NKAIN3: variants seen among roughly 807,000 people sequenced by gnomAD.
NKAIN3 encodes the protein sodium/potassium-transporting ATPase subunit beta-1-interacting protein 3.
A neutral mutation model predicts 30.2 loss-of-function variants in NKAIN3; 25 were observed. That is an observed-to-expected ratio of 0.83 (90% CI 0.60 to 1.16). The LOEUF (loss-of-function observed/expected upper bound fraction) is 1.16, where lower values mean the gene tolerates loss of function less well. Among genes scored for constraint, NKAIN3 ranks in the 50% most tolerant of loss-of-function variants. The probability of loss-of-function intolerance (pLI) is 0.00; values close to 1 mark genes in which losing one functional copy is unlikely to be tolerated. For missense variants in NKAIN3, 225 were observed against 254.1 expected, an observed-to-expected ratio of 0.89 and a Z score of 0.78; for synonymous variants, 91 against 89.6, an observed-to-expected ratio of 1.02 and a Z score of -0.09.
chr8:62,697,766 C>A (rs1224450524), intron 3 of NKAIN3, among the ~76,000 whole-genome samples: 1 of 152,070 alleles, frequency 6.6e-6, no homozygotes. Flanking sequence ...CTAAGATGAG[C>A]AATGATTACA....
At chr8:62,926,396 C>CCA (rs1822443775) in intron 5 of NKAIN3, among the ~76,000 whole-genome samples, 2 of 152,210 alleles carry the variant, frequency 1.3e-5, no homozygotes, top group Non-Finnish European at 2.9e-5. Flanking sequence ...TACTGAACCT[C>CCA]CACTTCTGCA....
At chr8:62,958,834 C>A (rs1237244977) in intron 6 of NKAIN3, among the ~76,000 whole-genome samples, 1 of 152,078 alleles carries the variant, frequency 6.6e-6, no homozygotes, top group Non-Finnish European at 1.5e-5. Context: ...ATAATTAGAG[C>A]AAGGCAGTTT....
intron 4 of NKAIN3, among the ~76,000 whole-genome samples, chr8:62,838,868 T>C (rs577044694): frequency 6.6e-6 from 1 of 152,150 alleles, no homozygotes; most frequent in Non-Finnish European, 1.5e-5. Flanking sequence ...ACTCTTCTAA[T>C]GGAAAATAAA....
chr8:62,649,114 G>A (rs1220507498), intron 3 of NKAIN3, among the ~76,000 whole-genome samples: 1 of 152,148 alleles, frequency 6.6e-6, no homozygotes, highest in East Asian at 1.9e-4. Flanking sequence ...AACAAATAAT[G>A]CCAAAGATTG....
intron 4 of NKAIN3, among the ~76,000 whole-genome samples, chr8:62,880,088 C>T (rs1479555111): frequency 1.3e-5 from 2 of 152,180 alleles, no homozygotes; most frequent in African/African-American, 4.8e-5. Flanking sequence ...ACATGCCAGA[C>T]ATTAACCAAT....
At chr8:62,664,801 T>G (rs1813049464) in intron 3 of NKAIN3, among the ~76,000 whole-genome samples, 1 of 152,152 alleles carries the variant, frequency 6.6e-6, no homozygotes, top group Admixed American at 6.6e-5. Flanking sequence ...GTCACTTAGG[T>G]CATTTTCTAT....
At chr8:62,299,342 C>A (rs1813959808) in intron 1 of NKAIN3, among the ~76,000 whole-genome samples, 1 of 152,088 alleles carries the variant, frequency 6.6e-6, no homozygotes, top group Admixed American at 6.6e-5. Flanking sequence ...AAAGCACTGT[C>A]ATGGGTCTGT....
Position 62,497,582 on chromosome 8 carries a change from A to G in NKAIN3, c.55-81957A>G, listed in dbSNP as rs187583053. On this transcript the variant is annotated intron_variant, in intron 1 of 6. Transcript: ENST00000623646. ...CAAGTTTTTACTTGGTTCCAGGTGT[A>G]TTTTCAATGGAGACACACCAGAGAA... Among the ~76,000 whole-genome samples, 10 of 152,112 alleles carry G rather than the reference A, an allele frequency of 6.6e-5. No individual in the cohort carries two copies. In the East Asian group the frequency reaches 1.5e-3, roughly 24 times the overall value.
intron 5 of NKAIN3, among the ~76,000 whole-genome samples, chr8:62,941,731 C>G (rs1822958606): frequency 1.3e-5 from 2 of 152,094 alleles, no homozygotes; most frequent in Admixed American, 6.5e-5. Flanking sequence ...GATTAAAACT[C>G]TCAGCGAAAT....
rs1189616577 is a variant in NKAIN3, at chr8:62,856,077, A to C, written c.472-62376A>C. The C allele has an allele frequency of 7.1e-6, 5 of 702,592 alleles. No individual in the cohort carries two copies. In the African/African-American group the frequency reaches 8.8e-5, roughly 12 times the overall value. The allele number at this position is 702,592 out of a possible 1,614,324, so 43.5% of individuals were successfully genotyped here. ...CAAGGGCTTACACCCCATGAGCATCAAACCTGGATCATCAAACTGTTTTAA... is the reference window on the plus strand; with the variant it reads ...CAAGGGCTTACACCCCATGAGCATCCAACCTGGATCATCAAACTGTTTTAA... On this transcript the variant is annotated intron_variant, in intron 4 of 6. Coordinates refer to ENST00000623646, the MANE Select transcript of NKAIN3 (RefSeq NM_001304533.3).
At chr8:62,468,830 T>A (rs527428601) in intron 1 of NKAIN3, among the ~76,000 whole-genome samples, 1 of 152,262 alleles carries the variant, frequency 6.6e-6, no homozygotes, top group East Asian at 1.9e-4. Context: ...CAGAATGAAT[T>A]TGTCATCCCC....
At chr8:62,546,945 T>C (rs1414118005) in intron 1 of NKAIN3, among the ~76,000 whole-genome samples, 1 of 152,166 alleles carries the variant, frequency 6.6e-6, no homozygotes, top group Non-Finnish European at 1.5e-5. Flanking sequence ...TTCTATTATC[T>C]CATGTGTGAT....
chr8:62,671,709 AT>A (rs1813311330), intron 3 of NKAIN3, among the ~76,000 whole-genome samples: 1 of 151,964 alleles, frequency 6.6e-6, no homozygotes, highest in Non-Finnish European at 1.5e-5. Context: ...GCATAGTTTG[AT>A]TCTTGGGACT....
chr8:62,639,677 A>G (rs1314203117), intron 3 of NKAIN3, among the ~76,000 whole-genome samples: 1 of 152,144 alleles, frequency 6.6e-6, no homozygotes, highest in East Asian at 1.9e-4. Context: ...TTTTGAGTGG[A>G]TTAGAAGTGA....
chr8:62,713,305 A>T (rs1460852180), intron 3 of NKAIN3, among the ~76,000 whole-genome samples: 1 of 152,214 alleles, frequency 6.6e-6, no homozygotes, highest in Non-Finnish European at 1.5e-5. Flanking sequence ...CTTACCTGGT[A>T]TTTGTAGGAT....
intron 1 of NKAIN3, among the ~76,000 whole-genome samples, chr8:62,408,145 A>G (rs1208384457): frequency 6.6e-6 from 1 of 151,940 alleles, no homozygotes; most frequent in Non-Finnish European, 1.5e-5. Flanking sequence ...ATTTTTTCCC[A>G]TTTTCCTTTT....
In NKAIN3 at chr8:62,487,945, C is replaced by T. The variant is rs565940213; in HGVS notation, c.55-91594C>T. Among the ~76,000 whole-genome samples the T allele has an allele frequency of 6.6e-5, 10 of 152,244 alleles. No homozygotes were observed. The South Asian group carries it at 1.5e-3, about 22-fold the overall frequency. On this transcript the variant is annotated intron_variant, in intron 1 of 6. Coordinates refer to ENST00000623646, the MANE Select transcript of NKAIN3 (RefSeq NM_001304533.3). ...TGGATGTTATCAATAAATGTGAGAA[C>T]TTTGAGTGAGTTTTGTAGCTTATTA... is the stretch of plus-strand genomic sequence containing the variant.
chr8:62,688,278 G>T (rs58821999), intron 3 of NKAIN3, among the ~76,000 whole-genome samples: 16,817 of 152,212 alleles, frequency 0.11, 1,065 homozygotes, highest in East Asian at 0.25. Context: ...TAAACAGCCA[G>T]AGATGGTTCA....
At chr8:62,957,119 A>T (rs949823241) in intron 6 of NKAIN3, among the ~76,000 whole-genome samples, 1 of 149,482 alleles carries the variant, frequency 6.7e-6, no homozygotes, top group African/African-American at 2.5e-5. Flanking sequence ...AAAAACTTAC[A>T]CACCGATATT....
Sources: allele counts gnomAD v4.1 joint callset (sites outside exome capture counted in the v4.1 genomes callset), GRCh38; gene constraint gnomAD v4.1.1; transcripts MANE v1.5; gene names NCBI Gene and HGNC (gene_info 2026-07-23, HGNC 2026-07-21).